The following ACTN4 variants were observed in gnomAD, a reference collection of about 807,000 sequenced individuals.
ACTN4 encodes the protein actinin alpha 4.
A neutral mutation model predicts 114.2 loss-of-function variants in ACTN4; 18 were observed. The observed-to-expected ratio is 0.16, with a 90% confidence interval of 0.11 to 0.23. The LOEUF (loss-of-function observed/expected upper bound fraction) is 0.23, where lower values mean the gene tolerates loss of function less well. ACTN4 is among the 10% of genes least tolerant of loss of function. The pLI is 1.00. For synonymous variants in ACTN4, 515 were observed against 506.3 expected, an observed-to-expected ratio of 1.02 and a Z score of -0.23; for missense variants, 722 against 1,262.9, an observed-to-expected ratio of 0.57 and a Z score of 6.49.
At chr19:38,692,263 G>T (rs1485215360) in intron 1 of ACTN4, among the ~76,000 whole-genome samples, 1 of 152,242 alleles carries the variant, frequency 6.6e-6, no homozygotes, top group Non-Finnish European at 1.5e-5. Flanking sequence ...CCTGGCTGGG[G>T]TTGGGTCCTG....
chr19:38,715,153 T>C (rs898189843), intron 9 of ACTN4, among the ~76,000 whole-genome samples: 6 of 152,162 alleles, frequency 3.9e-5, no homozygotes. Flanking sequence ...ATAAGGGTGG[T>C]TAGTACAACT....
chr19:38,687,499 A>G (rs1484495876), intron 1 of ACTN4, among the ~76,000 whole-genome samples: 1 of 152,232 alleles, frequency 6.6e-6, no homozygotes, highest in East Asian at 1.9e-4. Context: ...ATTGATTTTC[A>G]ACAAGGGTGC....
At chr19:38,678,319 C>T (rs142899738) in intron 1 of ACTN4, among the ~76,000 whole-genome samples, 2 of 152,300 alleles carry the variant, frequency 1.3e-5, no homozygotes, top group East Asian at 1.9e-4. Flanking sequence ...TAACTTACAT[C>T]GTGAAAGCGA....
rs765746867 is a variant in ACTN4 at position 38,717,791 on chromosome 19, A to G, written c.1144-136A>G. 9.2e-6 allele frequency: 11 copies of G among 1,192,044 alleles called. No individual in the cohort carries two copies. The highest frequency in any genetic ancestry group is 1.3e-5 in the Non-Finnish European group (11 of 833,786). The allele number at this position is 1,192,044 out of a possible 1,614,324, so 73.8% of individuals were successfully genotyped here. A position where few individuals can be genotyped will look rare whatever the true frequency, so the allele number is the denominator to read the frequency against. ...GCTGGGGGGCCCTGTGTAGGCATCC[A>G]GGTATAATAGCAAAGCATGACACAG... On this transcript the variant is annotated intron_variant, in intron 10 of 20. Transcript: ENST00000252699. The surrounding 1 kb of genome is among the most constrained non-coding windows in gnomAD (Gnocchi z 4.0).
At chr19:38,713,907 C>G (rs1056358031) in intron 8 of ACTN4, among the ~76,000 whole-genome samples, 1 of 151,596 alleles carries the variant, frequency 6.6e-6, no homozygotes, top group Non-Finnish European at 1.5e-5. Flanking sequence ...GTCCACCACT[C>G]TCACCCTCCA....
intron 1 of ACTN4, among the ~76,000 whole-genome samples, chr19:38,699,110 G>A (rs546862283): frequency 4.2e-4 from 64 of 152,336 alleles, no homozygotes; most frequent in African/African-American, 1.3e-3. Flanking sequence ...CCCAGGTCCT[G>A]TTGCAGGAGG....
Position 38,727,102 on chromosome 19 carries a change from A to G in ACTN4, c.2336A>G (p.Lys779Arg). 1.2e-6 allele frequency: 2 copies of G among 1,613,876 alleles called. No individual in the cohort carries two copies. The highest frequency in any genetic ancestry group is 2.2e-5 in the East Asian group (1 of 44,882). Residue 779 changes from lysine (K) to arginine (R), a missense_variant and splice_region_variant, in exon 18 of 21, where the codon AAG becomes AGG. This residue lies in a region of ACTN4 where 523 missense variants were observed against 875.9 expected (regional missense o/e 0.60). Transcript: ENST00000252699. The surrounding 1 kb of genome is among the most constrained non-coding windows in gnomAD (Gnocchi z 5.4). ...CGGGCGTCCTTCAACCACTTCGACA[A>G]GGTGAGCAGCCTGCCACCTCCTCGG... ...EFRASFNHFD[K>R]DHGGALGPEE...
chr19:38,707,513 A>G lies in ACTN4; in HGVS notation c.573-604A>G, dbSNP rs150898429. ...AACCAACCCTTAGAGGGTCTCAGGG[A>G]GGAGAATGTGACCCATATAGCTTGT... is the stretch of plus-strand genomic sequence containing the variant. On this transcript the variant is annotated intron_variant, in intron 5 of 20. Coordinates refer to ENST00000252699, the MANE Select transcript of ACTN4 (RefSeq NM_004924.6). Among the ~76,000 whole-genome samples the G allele has an allele frequency of 2.4e-3, 362 of 152,204 alleles. 2 individuals carry two copies. The highest frequency in any genetic ancestry group is 8.3e-3 in the African/African-American group (344 of 41,542).
chr19:38,674,420 G>T (rs906921778), intron 1 of ACTN4, among the ~76,000 whole-genome samples: 1 of 152,090 alleles, frequency 6.6e-6, no homozygotes, highest in African/African-American at 2.4e-5. Context: ...TATTTATTGC[G>T]TGCTAGTCAC....
chr19:38,722,760 G>T (rs947902948), intron 12 of ACTN4, among the ~76,000 whole-genome samples: 1 of 152,242 alleles, frequency 6.6e-6, no homozygotes, highest in African/African-American at 2.4e-5. Flanking sequence ...GCCCCTGGAA[G>T]CTGGTAGGAA....
chr19:38,672,359 G>T (rs1000116175), intron 1 of ACTN4, among the ~76,000 whole-genome samples: 1 of 149,178 alleles, frequency 6.7e-6, no homozygotes, highest in Non-Finnish European at 1.5e-5. Flanking sequence ...TCCTGCCTCA[G>T]CCTCCTGAGT....
At position 38,729,091 on chromosome 19, in the gene ACTN4, G is replaced by A; in HGVS notation, c.2514G>A (p.Glu838=). 1 of 1,613,520 alleles carries A rather than the reference G, an allele frequency of 6.2e-7. No individual in the cohort carries two copies. The highest frequency in any genetic ancestry group is 8.5e-7 in the Non-Finnish European group (1 of 1,180,032). The change falls in exon 20 of 21, where the codon GAG becomes GAA. Residue 838 remains glutamate, a synonymous_variant. Transcript: ENST00000252699. Reference sequence around the variant, plus strand: ...CCTTCATCGACTTCATGTCGCGGGAGACCACCGACACGGACACGGCTGACC... The same window carrying A: ...CCTTCATCGACTTCATGTCGCGGGAAACCACCGACACGGACACGGCTGACC... ...FQAFIDFMSR[E]TTDTDTADQV... is the part of the protein sequence containing the mutation.
At chr19:38,697,015 T>A (rs1215340414) in intron 1 of ACTN4, among the ~76,000 whole-genome samples, 1 of 152,368 alleles carries the variant, frequency 6.6e-6, no homozygotes, top group Admixed American at 6.5e-5. Context: ...TCGGTTACTG[T>A]CCTGTTTATC....
chr19:38,710,512 A>T (rs1045199695), intron 8 of ACTN4, among the ~76,000 whole-genome samples, 170 bp downstream of exon 8: 8 of 151,982 alleles, frequency 5.3e-5, no homozygotes, highest in African/African-American at 1.9e-4. Context: ...TAGCTCACAC[A>T]CCTATTGGGT....
chr19:38,661,031 C>G (rs1020740316), intron 1 of ACTN4, among the ~76,000 whole-genome samples: 2 of 152,100 alleles, frequency 1.3e-5, no homozygotes, highest in Non-Finnish European at 2.9e-5. Context: ...CAGAGAAAAC[C>G]AAGCAAGGGG....
intron 9 of ACTN4, among the ~76,000 whole-genome samples, chr19:38,715,778 C>T (rs1968819026): frequency 6.6e-6 from 1 of 152,238 alleles, no homozygotes; most frequent in Admixed American, 6.5e-5. Flanking sequence ...CAGCACGCCT[C>T]ACAATGTATC....
chr19:38,727,800 G>A lies in ACTN4; in HGVS notation c.2338-146G>A, dbSNP rs1389528868. On this transcript the variant is annotated intron_variant, in intron 18 of 20. Coordinates refer to ENST00000252699, the MANE Select transcript of ACTN4 (RefSeq NM_004924.6). The surrounding 1 kb of genome is among the most constrained non-coding windows in gnomAD (Gnocchi z 5.4). ...CCGCCCCCGACCCCACGTGTCCCTG[G>A]CCATCTCCTTGTCCATGTTGCCTCT... 5.4e-6 allele frequency: 4 copies of A among 745,556 alleles called. No homozygotes were observed. Among genetic ancestry groups the A allele is most frequent in the Admixed American group, 2.2e-5 (1 of 46,124 alleles). The allele number at this position is 745,556 out of a possible 1,614,324, so 46.2% of individuals were successfully genotyped here.
chr19:38,708,227 C>T lies in ACTN4; in HGVS notation c.651+32C>T, dbSNP rs776735316. 1.9e-6 allele frequency: 3 copies of T among 1,609,882 alleles called. No homozygotes were observed. In the East Asian group the frequency reaches 6.7e-5, roughly 36 times the overall value. On this transcript the variant is annotated intron_variant, in intron 6 of 20. Transcript: ENST00000252699. ...GTCTCCAGCTCCCCTTGATGGCCCA[C>T]AGACGTGCCCTGTCTGACCCCCTAA... is the stretch of plus-strand genomic sequence containing the variant.
intron 1 of ACTN4, among the ~76,000 whole-genome samples, chr19:38,698,845 G>A (rs1396756718): frequency 6.6e-6 from 1 of 152,210 alleles, no homozygotes; most frequent in Non-Finnish European, 1.5e-5. Flanking sequence ...TAATTAGGCA[G>A]CTGCTTTGTC....
Sources: allele counts gnomAD v4.1 joint callset (sites outside exome capture counted in the v4.1 genomes callset), GRCh38; gene constraint gnomAD v4.1.1; regional missense constraint gnomAD v4.1.1; non-coding constraint Gnocchi (gnomAD v3.1); transcripts MANE v1.5; gene names NCBI Gene and HGNC (gene_info 2026-07-23, HGNC 2026-07-21).